Variants in CLIP4 observed in about 807,000 individuals in gnomAD.
CLIP4 encodes CAP-Gly domain containing linker protein family member 4, also known as CAP-Gly domain-containing linker protein 4.
In CLIP4, 47 loss-of-function variants were observed where a neutral mutation model predicts 73.1. The ratio of observed to expected loss-of-function variants is 0.64; its 90% CI spans 0.51 to 0.82. The LOEUF (loss-of-function observed/expected upper bound fraction) is 0.82. Ranked by LOEUF, CLIP4 falls within the 40% of genes least tolerant of loss-of-function variation. CLIP4 has a pLI of 0.00. For missense variants in CLIP4, 874 were observed against 852.9 expected, an observed-to-expected ratio of 1.02 and a Z score of -0.31; for synonymous variants, 306 against 295.4, an observed-to-expected ratio of 1.04 and a Z score of -0.37.
intron 15 of CLIP4, among the ~76,000 whole-genome samples, chr2:29,174,961 T>C (rs890198358): frequency 2.0e-5 from 3 of 152,150 alleles, no homozygotes; most frequent in African/African-American, 7.2e-5. Flanking sequence ...CCCACTTCAC[T>C]ACCCCCCATT....
intron 5 of CLIP4, among the ~76,000 whole-genome samples, chr2:29,134,481 T>A (rs1665208030): frequency 6.6e-6 from 1 of 152,220 alleles, no homozygotes; most frequent in African/African-American, 2.4e-5. Flanking sequence ...TTTCCCAGAA[T>A]GTTCATTTCT....
chr2:29,180,189 T>C (rs1486709296), intron 15 of CLIP4, among the ~76,000 whole-genome samples: 1 of 152,142 alleles, frequency 6.6e-6, no homozygotes, highest in Non-Finnish European at 1.5e-5. Context: ...GGATAGAGGA[T>C]GGAAGGCACC....
At chr2:29,175,356 G>A (rs1173489393) in intron 15 of CLIP4, 1 of 152,250 alleles carries the variant, frequency 6.6e-6, no homozygotes, top group African/African-American at 2.4e-5. Flanking sequence ...GAATTTTGAA[G>A]GTCTTCTTGC....
At chr2:29,174,543 T>TG in intron 15 of CLIP4, 98 bp downstream of exon 15, 1 of 1,500,992 alleles carries the variant, frequency 6.7e-7, no homozygotes, top group East Asian at 2.4e-5. Flanking sequence ...TTGCATTGCT[T>TG]GGTAGAGTTT....
chr2:29,155,952 GC>G (rs1238372778), intron 9 of CLIP4, among the ~76,000 whole-genome samples: 4 of 152,176 alleles, frequency 2.6e-5, no homozygotes, highest in Non-Finnish European at 5.9e-5. Flanking sequence ...GTCTAGTCTT[GC>G]TTTTCCTACA....
At chr2:29,152,378 C>A (rs1376237020) in intron 8 of CLIP4, among the ~76,000 whole-genome samples, 2 of 122,512 alleles carry the variant, frequency 1.6e-5, no homozygotes, top group Non-Finnish European at 4.2e-5. Flanking sequence ...TTAAAAGTTA[C>A]CGTAAAGGTT....
chr2:29,101,995 G>T (rs903331366), intron 1 of CLIP4, among the ~76,000 whole-genome samples: 19 of 152,152 alleles, frequency 1.2e-4, no homozygotes, highest in Non-Finnish European at 2.9e-5. Context: ...AGCTTAGGAG[G>T]TCATAAATAG....
intron 14 of CLIP4, among the ~76,000 whole-genome samples, chr2:29,169,329 C>CTGTGTG (rs70958249): frequency 1.1e-4 from 15 of 140,426 alleles, no homozygotes; most frequent in East Asian, 2.0e-4. Flanking sequence ...GTCTTTTTCA[C>CTGTGTG]TGTGTGTGTG....
chr2:29,117,469 G>T (rs916530249), intron 1 of CLIP4, among the ~76,000 whole-genome samples: 14 of 151,762 alleles, frequency 9.2e-5, no homozygotes, highest in Non-Finnish European at 1.5e-5. Flanking sequence ...TGAGCCTCTC[G>T]AGCAGCTGGG....
chr2:29,114,705 A>C (rs1275520992), upstream of CLIP4, among the ~76,000 whole-genome samples: 8 of 152,218 alleles, frequency 5.3e-5, no homozygotes, highest in African/African-American at 1.7e-4. Context: ...ACGTTCATTC[A>C]ACATCTGTTC....
chr2:29,110,727 C>T (rs1668363525), upstream of CLIP4, among the ~76,000 whole-genome samples: 1 of 152,134 alleles, frequency 6.6e-6, no homozygotes, highest in African/African-American at 2.4e-5. Context: ...CTCACTCTGT[C>T]CCCTAGGCTG....
intron 9 of CLIP4, among the ~76,000 whole-genome samples, chr2:29,154,652 G>A (rs1294854675): frequency 1.3e-5 from 2 of 152,120 alleles, no homozygotes; most frequent in Non-Finnish European, 2.9e-5. Flanking sequence ...TAGAGAGGAG[G>A]GGACTCAAGA....
chr2:29,152,734 G>A lies in CLIP4; in HGVS notation c.1071G>A (p.Lys357=), dbSNP rs1484962562. The change falls in exon 9 of 16, where the codon AAG becomes AAA. Residue 357 remains lysine (K), a synonymous_variant. Coordinates refer to ENST00000320081, the MANE Select transcript of CLIP4 (RefSeq NM_024692.6). ...TAAGTAAAGCAAAAGGTCGAAGGAA[G>A]AATATAACACACACTCCTTCTACAA... The part of the protein sequence containing the change: ...SKISKAKGRR[K]NITHTPSTKA... 1.9e-6 allele frequency: 3 copies of A among 1,613,720 alleles called. No homozygotes were observed. The highest frequency in any genetic ancestry group is 1.7e-6 in the Non-Finnish European group (2 of 1,179,800).
At chr2:29,169,902 C>T (rs573491314) in intron 14 of CLIP4, among the ~76,000 whole-genome samples, 195 of 152,202 alleles carry the variant, frequency 1.3e-3, no homozygotes, top group Non-Finnish European at 2.0e-3. Flanking sequence ...CTCTCTTTAT[C>T]CCCCTTCCCA....
At chr2:29,123,450 TAATG>T (rs1664397809) in intron 2 of CLIP4, among the ~76,000 whole-genome samples, 1 of 152,136 alleles carries the variant, frequency 6.6e-6, no homozygotes, top group African/African-American at 2.4e-5. Context: ...AAATAGGTCA[TAATG>T]AATTCTGTGG....
At chr2:29,180,062 ATAAG>A (rs979511514) in intron 15 of CLIP4, among the ~76,000 whole-genome samples, 1 of 152,222 alleles carries the variant, frequency 6.6e-6, no homozygotes, top group Non-Finnish European at 1.5e-5. Flanking sequence ...GAAATATGAA[ATAAG>A]TAAGACCCAG....
chr2:29,104,750 G>C (rs997521806), intron 1 of CLIP4, among the ~76,000 whole-genome samples: 2 of 152,200 alleles, frequency 1.3e-5, no homozygotes, highest in Non-Finnish European at 2.9e-5. Context: ...GATGCCAGGC[G>C]ATTGCTATCA....
rs777848005 is a variant in CLIP4, at chr2:29,160,341, T to C, written c.1408T>C (p.Ser470Pro). 1 of 1,614,074 alleles carries C rather than the reference T, an allele frequency of 6.2e-7. No individual in the cohort carries two copies. Among genetic ancestry groups the C allele is most frequent in the Admixed American group, 1.7e-5 (1 of 60,006 alleles). ...CTCCCTGACTTAAACAGGTTTGAAT[T>C]CCTCAGCAACATCTACAGCAAATAA... ...LSSRASAGLN[S>P]SATSTANNSR... The change falls in exon 12 of 16, where the codon TCC becomes CCC. Residue 470 changes from serine to proline, a missense_variant. Coordinates refer to ENST00000320081, the MANE Select transcript of CLIP4 (RefSeq NM_024692.6).
intron 14 of CLIP4, among the ~76,000 whole-genome samples, chr2:29,168,586 G>A (rs1182614073): frequency 1.5e-5 from 2 of 130,088 alleles, no homozygotes; most frequent in African/African-American, 3.0e-5. Flanking sequence ...GCAGTGGTGC[G>A]ATCTTGGCTC....
Sources: allele counts gnomAD v4.1 joint callset (sites outside exome capture counted in the v4.1 genomes callset), GRCh38; gene constraint gnomAD v4.1.1; transcripts MANE v1.5; gene names NCBI Gene and HGNC (gene_info 2026-07-23, HGNC 2026-07-21).